The following GPNMB variants were observed in gnomAD, a reference collection of about 807,000 sequenced individuals.
GPNMB encodes transmembrane glycoprotein NMB.
In GPNMB, 71 loss-of-function variants were observed where a neutral mutation model predicts 57.3. The observed-to-expected ratio is 1.24, with a 90% confidence interval of 1.02 to 1.51. The LOEUF (loss-of-function observed/expected upper bound fraction) is 1.51, where lower values mean the gene tolerates loss of function less well. Ranked by LOEUF, GPNMB falls within the 40% of genes most tolerant of loss-of-function variation. The probability of loss-of-function intolerance (pLI) is 0.00; values close to 1 mark genes in which losing one functional copy is unlikely to be tolerated. For synonymous variants in GPNMB, 253 were observed against 263.2 expected (o/e 0.96, Z 0.38); for missense variants, 677 against 691.9 (o/e 0.98, Z 0.24).
chr7:23,270,759 C>T (rs1199299013), intron 9 of GPNMB, among the ~76,000 whole-genome samples: 1 of 152,182 alleles, frequency 6.6e-6, no homozygotes, highest in African/African-American at 2.4e-5. Context: ...TCTCTTCCCT[C>T]TGAATGCTTG....
chr7:23,250,363 A>G (rs1399797192), intron 1 of GPNMB, among the ~76,000 whole-genome samples: 1 of 152,076 alleles, frequency 6.6e-6, no homozygotes, highest in East Asian at 1.9e-4. Flanking sequence ...GATTTCACCT[A>G]TGCTTTTTGC....
chr7:23,251,089 G>A (rs1009815920), intron 1 of GPNMB, among the ~76,000 whole-genome samples: 4 of 152,212 alleles, frequency 2.6e-5, no homozygotes, highest in African/African-American at 9.6e-5. Flanking sequence ...GCCCAGAGAA[G>A]ACACATGGCC....
intron 6 of GPNMB, among the ~76,000 whole-genome samples, chr7:23,262,696 G>T (rs567386020): frequency 1.6e-5 from 2 of 127,282 alleles, no homozygotes; most frequent in South Asian, 5.2e-4. Context: ...TTGGCTCACT[G>T]CAACCTCCAC....
At chr7:23,260,961 G>C (rs1248807678) in intron 6 of GPNMB, among the ~76,000 whole-genome samples, 188 bp downstream of exon 6, 1 of 152,194 alleles carries the variant, frequency 6.6e-6, no homozygotes, top group Non-Finnish European at 1.5e-5. Flanking sequence ...GAAGAAGGAA[G>C]AATGTATGTA....
intron 7 of GPNMB, 71 bp from the exon 8 acceptor site, chr7:23,267,813 CAG>C (rs1783104648): frequency 1.0e-6 from 1 of 1,002,664 alleles, no homozygotes; most frequent in African/African-American, 1.6e-5. Context: ...CAATCTATAC[CAG>C]AGTGATTGTT....
At chr7:23,268,791 A>G (rs1456596413) in intron 8 of GPNMB, among the ~76,000 whole-genome samples, 3 of 152,096 alleles carry the variant, frequency 2.0e-5, no homozygotes, top group Non-Finnish European at 4.4e-5. Flanking sequence ...AAAACAGTGA[A>G]AGCTGACCCA....
chr7:23,254,869 G>T (rs564527118), intron 3 of GPNMB, among the ~76,000 whole-genome samples: 10 of 152,244 alleles, frequency 6.6e-5, no homozygotes, highest in African/African-American at 2.4e-4. Context: ...AATGGTACAT[G>T]CTCAAAAAAC....
chr7:23,260,378 T>A lies in GPNMB; in HGVS notation c.701-78T>A, dbSNP rs1782886832. 5.7e-6 allele frequency: 7 copies of A among 1,233,692 alleles called. No individual in the cohort carries two copies. The African/African-American group carries it at 9.0e-5, about 16-fold the overall frequency. The allele number at this position is 1,233,692 out of a possible 1,614,324, so 76.4% of individuals were successfully genotyped here. A position where few individuals can be genotyped will look rare whatever the true frequency, so the allele number is the denominator to read the frequency against. On this transcript the variant is annotated intron_variant, in intron 5 of 10. Transcript: ENST00000258733. The stretch of plus-strand genomic sequence containing the variant: ...TATCCCTCATTTTAATATTTCAACC[T>A]AAAAGCATCGTCGAAGCCCTCCACT...
At chr7:23,264,987 G>A (rs564377954) in intron 6 of GPNMB, among the ~76,000 whole-genome samples, 11 of 152,180 alleles carry the variant, frequency 7.2e-5, no homozygotes, top group Non-Finnish European at 1.6e-4. Context: ...CAGACAGAAC[G>A]ACTGTCTTGT....
In GPNMB at chr7:23,257,046, C is replaced by G. The variant is rs746852051; in HGVS notation, c.522C>G (p.Ile174Met). The G allele has an allele frequency of 1.2e-6, 2 of 1,614,134 alleles. No homozygotes were observed. The highest frequency in any genetic ancestry group is 2.2e-5 in the South Asian group (2 of 91,084). ...HHPGWRRWNF[I>M]YVFHTLGQYF... ...CCGGATGGAGAAGATGGAATTTCAT[C>G]TACGTCTTCCACACACTTGGTTGGC... The change falls in exon 4 of 11, where the codon ATC becomes ATG. Residue 174 changes from isoleucine to methionine, a missense_variant. Transcript: ENST00000258733.
intron 4 of GPNMB, among the ~76,000 whole-genome samples, chr7:23,259,074 AG>A (rs34965638): frequency 6.6e-6 from 1 of 152,248 alleles, no homozygotes; most frequent in Non-Finnish European, 1.5e-5. Flanking sequence ...AGCTAGCAGC[AG>A]GGAGGGTTGG....
chr7:23,263,819 A>G (rs1179201404), intron 6 of GPNMB, among the ~76,000 whole-genome samples: 1 of 151,844 alleles, frequency 6.6e-6, no homozygotes, highest in Non-Finnish European at 1.5e-5. Flanking sequence ...CCAGCTGTAC[A>G]GGCCATATTA....
At position 23,257,075 on chromosome 7, in the gene GPNMB, T is replaced by TAAA. The variant is rs774135885; in HGVS notation, c.541+11_541+12insAAA. 4.4e-6 allele frequency: 7 copies of TAAA among 1,609,168 alleles called. No individual in the cohort carries two copies. The highest frequency in any genetic ancestry group is 6.0e-6 in the Non-Finnish European group (7 of 1,175,406). On this transcript the variant is annotated intron_variant, in intron 4 of 10. Coordinates refer to ENST00000258733, the MANE Select transcript of GPNMB (RefSeq NM_002510.3). ...GTCTTCCACACACTTGGTTGGCTTT[T>TAAA]ACAAACCCCTAAGCTTCTTCTTTAC... is the stretch of plus-strand genomic sequence containing the variant.
In GPNMB at chr7:23,257,543, G is replaced by A. The variant is rs545375834; in HGVS notation, c.541+478G>A. The A allele has an allele frequency of 2.5e-4, 44 of 175,986 alleles. 1 individual carries two copies. Among genetic ancestry groups the A allele is most frequent in the Non-Finnish European group, 4.6e-4 (38 of 82,860 alleles). The allele number at this position is 175,986 out of a possible 1,614,324, so 10.9% of individuals were successfully genotyped here. On this transcript the variant is annotated intron_variant, in intron 4 of 10. Transcript: ENST00000258733. Reference sequence around the variant, plus strand: ...AAAAATTAGCCAGGTGTGGTGGTGCGCACCTGTAATCCCAGCTACTCAGGA... The same window carrying A: ...AAAAATTAGCCAGGTGTGGTGGTGCACACCTGTAATCCCAGCTACTCAGGA...
chr7:23,247,260 A>ACCAACTAAACTATGTCCAGCTT (rs1782553977), intron 1 of GPNMB: 2 of 332,942 alleles, frequency 6.0e-6, no homozygotes, highest in Non-Finnish European at 1.2e-5. Context: ...AAGCAACTCC[A>ACCAACTAAACTATGTCCAGCTT]CCAACTAAAC....
rs749097905 is a variant in GPNMB at position 23,266,568 on chromosome 7, G to A, written c.1070G>A (p.Cys357Tyr). ...CTGAGTAGGATTCCTGATGAAAACT[G>A]CCAGATTAACAGATATGGCCACTTT... ...LELSRIPDENCQINRYGHFQA... is the reference protein window; with the variant it reads ...LELSRIPDENYQINRYGHFQA... Residue 357 changes from cysteine to tyrosine, a missense_variant, in exon 7 of 11, where the codon TGC becomes TAC. Coordinates refer to ENST00000258733, the MANE Select transcript of GPNMB (RefSeq NM_002510.3). The A allele has an allele frequency of 6.2e-7, 1 of 1,613,948 alleles. No individual in the cohort carries two copies.
chr7:23,260,218 G>C, intron 5 of GPNMB, 80 bp downstream of exon 5: 2 of 1,456,170 alleles, frequency 1.4e-6, no homozygotes, highest in Non-Finnish European at 1.9e-6. Flanking sequence ...GTAAGGCCAA[G>C]TGTTCGGGGT....
rs770251584 is a variant in GPNMB at position 23,267,986 on chromosome 7, G to A, written c.1218G>A (p.Gly406=). The change falls in exon 8 of 11, where the codon GGG becomes GGA. Residue 406 remains glycine, a splice_region_variant and synonymous_variant. Coordinates refer to ENST00000258733, the MANE Select transcript of GPNMB (RefSeq NM_002510.3). Reference sequence around the variant, plus strand: ...TAGACTTTGTCGTGACCTGCCAAGGGAGGTGAGTATATTATCTCCGACAGA... The same window carrying A: ...TAGACTTTGTCGTGACCTGCCAAGGAAGGTGAGTATATTATCTCCGACAGA... ...SLIDFVVTCQ[G]SIPTEVCTII... 9.4e-6 allele frequency: 15 copies of A among 1,595,734 alleles called. No homozygotes were observed. In the Admixed American group the frequency reaches 2.5e-4, roughly 27 times the overall value.
chr7:23,261,631 G>T (rs1265533197), intron 6 of GPNMB, among the ~76,000 whole-genome samples: 24 of 152,026 alleles, frequency 1.6e-4, no homozygotes. Context: ...GGGCCTGTCG[G>T]GGGGTAGGGG....
Sources: gnomAD v4.1 joint callset for allele counts (sites outside exome capture counted in the v4.1 genomes callset) on GRCh38, gnomAD v4.1.1 for gene constraint, MANE v1.5 for transcripts, NCBI Gene and HGNC (gene_info 2026-07-23, HGNC 2026-07-21) for gene names.